PCDHGA1: variants seen among roughly 807,000 people sequenced by gnomAD.
The protein encoded by PCDHGA1 is protocadherin gamma-A1.
PCDHGA1 carries 32 observed loss-of-function variants against 58.0 expected under a neutral mutation model. That is an observed-to-expected ratio of 0.55 (90% CI 0.42 to 0.74). The LOEUF (loss-of-function observed/expected upper bound fraction) is 0.74, where lower values mean the gene tolerates loss of function less well. Ranked by LOEUF, PCDHGA1 falls within the 30% of genes least tolerant of loss-of-function variation. PCDHGA1 has a pLI of 0.00. For synonymous variants in PCDHGA1, 498 were observed against 501.1 expected (o/e 0.99, Z 0.08); for missense variants, 1,205 against 1,182.3 (o/e 1.02, Z -0.28).
At chr5:141,423,177 C>T (rs748689237) in intron 1 of PCDHGA1, 3 of 1,613,430 alleles carry the variant, frequency 1.9e-6, no homozygotes, top group Non-Finnish European at 2.5e-6. Context: ...TCCAGGACCA[C>T]GGCCAGCCCC....
chr5:141,450,015 T>A (rs911475310), intron 1 of PCDHGA1, among the ~76,000 whole-genome samples: 12 of 149,806 alleles, frequency 8.0e-5, no homozygotes, highest in Non-Finnish European at 1.6e-4. Flanking sequence ...TCTTTTTTTT[T>A]TTTTTTTTTG....
chr5:141,412,554 C>T (rs2095562022), intron 1 of PCDHGA1: 1 of 152,094 alleles, frequency 6.6e-6, no homozygotes, highest in Non-Finnish European at 1.5e-5. Context: ...TGAATTATCT[C>T]ATGAGTTTAT....
At chr5:141,339,745 C>T (rs1026704695) in intron 1 of PCDHGA1, 6 of 1,613,982 alleles carry the variant, frequency 3.7e-6, no homozygotes, top group Non-Finnish European at 5.1e-6. Context: ...CGCTCGTGGG[C>T]ACCCGGATAC....
chr5:141,360,899 T>G, intron 1 of PCDHGA1: 1 of 1,614,042 alleles, frequency 6.2e-7, no homozygotes, highest in South Asian at 1.1e-5. Context: ...AGGGAGGACG[T>G]GCCGCCGGGC....
chr5:141,416,098 G>A (rs745507614), intron 1 of PCDHGA1: 19 of 160,674 alleles, frequency 1.2e-4, no homozygotes, highest in Non-Finnish European at 8.1e-5. Flanking sequence ...AAGGGCAATA[G>A]GCCTTTTTCA....
chr5:141,347,751 C>A (rs1020160547), intron 1 of PCDHGA1, among the ~76,000 whole-genome samples: 4 of 150,558 alleles, frequency 2.7e-5, no homozygotes, highest in Admixed American at 2.0e-4. Flanking sequence ...TGGGCCACTG[C>A]ACTCCAGCTG....
At chr5:141,413,182 G>T (rs752788034) in intron 1 of PCDHGA1, 2 of 1,604,164 alleles carry the variant, frequency 1.2e-6, no homozygotes, top group Admixed American at 3.4e-5. Flanking sequence ...TACAATGGCC[G>T]CTCAAAGGAA....
chr5:141,420,269 A>G, intron 1 of PCDHGA1: 1 of 1,544,558 alleles, frequency 6.5e-7, no homozygotes, highest in Admixed American at 2.0e-5. Flanking sequence ...GAAGATTCTT[A>G]AACAGGTAAG....
At chr5:141,371,794 C>T (rs776687123) in intron 1 of PCDHGA1, 2 of 1,613,950 alleles carry the variant, frequency 1.2e-6, no homozygotes, top group South Asian at 2.2e-5. Context: ...AACAATCCGC[C>T]TGGAGCCTCC....
intron 1 of PCDHGA1, among the ~76,000 whole-genome samples, chr5:141,369,595 C>T (rs1362731201): frequency 6.6e-6 from 1 of 152,190 alleles, no homozygotes; most frequent in Non-Finnish European, 1.5e-5. Flanking sequence ...TACTATACTT[C>T]TATTTTATAA....
Position 141,476,351 on chromosome 5 carries a change from G to C in PCDHGA1, c.2422-18456G>C. On this transcript the variant is annotated intron_variant, in intron 1 of 3. Transcript: ENST00000517417. This position sits in a 1 kb window ranked among gnomAD's most constrained non-coding sequence, Gnocchi z 7.6. ...TGGAGCTAGCCGAAGATTCTTTGAG[G>C]TGAACCGGGAGACCGGAGAGATGTT... 3 of 1,614,182 alleles carry C rather than the reference G, an allele frequency of 1.9e-6. No homozygotes were observed. Among genetic ancestry groups the C allele is most frequent in the Non-Finnish European group, 2.5e-6 (3 of 1,180,046 alleles).
chr5:141,420,511 A>G (rs958868048), intron 1 of PCDHGA1: 23 of 419,992 alleles, frequency 5.5e-5, no homozygotes, highest in Middle Eastern at 6.5e-4. Context: ...ATTTTTATGA[A>G]GTAAAATACC....
In PCDHGA1 at chr5:141,333,013, G is replaced by A. The variant is rs1301406601; in HGVS notation, c.2329G>A (p.Asp777Asn). 1 of 1,614,060 alleles carries A rather than the reference G, an allele frequency of 6.2e-7. No homozygotes were observed. The highest frequency in any genetic ancestry group is 8.5e-7 in the Non-Finnish European group (1 of 1,180,046). The change falls in exon 1 of 4, where the codon GAC becomes AAC. Residue 777 changes from aspartate to asparagine, a missense_variant. Asp to Asn is a conservative substitution (Grantham distance 23, BLOSUM62 1). Coordinates refer to ENST00000517417, the MANE Select transcript of PCDHGA1 (RefSeq NM_018912.3). ...HLIFPQPNYA[D>N]TLISQESCEK... ...GATTTTCCCCCAGCCCAACTATGCGGACACACTCATCAGCCAGGAGAGCTG... is the reference window on the plus strand; with the variant it reads ...GATTTTCCCCCAGCCCAACTATGCGAACACACTCATCAGCCAGGAGAGCTG...
intron 1 of PCDHGA1, chr5:141,422,772 C>A: frequency 6.2e-7 from 1 of 1,613,922 alleles, no homozygotes. Flanking sequence ...CTGGTGTTCT[C>A]TATGCCCTAC....
rs1450175537 is a variant in PCDHGA1, at chr5:141,330,896, G to A, written c.212G>A (p.Arg71Lys). 5.6e-6 allele frequency: 9 copies of A among 1,614,232 alleles called. No individual in the cohort carries two copies. The highest frequency in any genetic ancestry group is 7.6e-6 in the Non-Finnish European group (9 of 1,180,040). The change falls in exon 1 of 4, where the codon AGG becomes AAG. Residue 71 changes from arginine to lysine, a missense_variant. Transcript: ENST00000517417. ...GGAGTCCGCATCGTCTCCAGAGGTA[G>A]GATGCCGCTTTTCGCTCTGAATCCT... ...DGGVRIVSRG[R>K]MPLFALNPRS...
chr5:141,429,450 A>G (rs1326036711), intron 1 of PCDHGA1, among the ~76,000 whole-genome samples: 1 of 152,114 alleles, frequency 6.6e-6, no homozygotes, highest in East Asian at 1.9e-4. Context: ...CTTGGGCTAC[A>G]GTAATCCTCC....
chr5:141,354,965 A>T, intron 1 of PCDHGA1: 2 of 506,414 alleles, frequency 3.9e-6, no homozygotes, highest in Non-Finnish European at 6.6e-6. Context: ...ACAGGTTAAG[A>T]CTCTGGGTGT....
intron 1 of PCDHGA1, among the ~76,000 whole-genome samples, chr5:141,380,336 G>T (rs1221282125): frequency 1.3e-5 from 2 of 152,060 alleles, no homozygotes; most frequent in Non-Finnish European, 2.9e-5. Flanking sequence ...GAACTTCAAA[G>T]AACTGTTTTG....
chr5:141,399,138 T>C (rs757310717), intron 1 of PCDHGA1: 3 of 1,613,774 alleles, frequency 1.9e-6, no homozygotes, highest in Non-Finnish European at 2.5e-6. Context: ...AAGATGAAAA[T>C]GACAATAGCC....
Sources: allele counts gnomAD v4.1 joint callset (sites outside exome capture counted in the v4.1 genomes callset), GRCh38; gene constraint gnomAD v4.1.1; non-coding constraint Gnocchi (gnomAD v3.1); transcripts MANE v1.5; gene names NCBI Gene and HGNC (gene_info 2026-07-23, HGNC 2026-07-21).